The following RFX4 variants were observed in gnomAD, a reference collection of about 807,000 sequenced individuals.
RFX4 encodes regulatory factor X4, also known as transcription factor RFX4.
Under a neutral mutation model 95.0 loss-of-function variants are expected in RFX4, and 10 were observed. The ratio of observed to expected loss-of-function variants is 0.11; its 90% CI spans 0.06 to 0.18. The LOEUF is 0.18. Among genes scored for constraint, RFX4 ranks in the 10% least tolerant of loss-of-function variants. The pLI, the probability that RFX4 is intolerant of heterozygous loss-of-function variation, is 1.00. For missense variants in RFX4, 640 were observed against 922.0 expected (o/e 0.69, Z 3.96); for synonymous variants, 321 against 340.7 (o/e 0.94, Z 0.64).
intron 15 of RFX4, among the ~76,000 whole-genome samples, chr12:106,737,235 T>C (rs1303026478): frequency 7.3e-6 from 1 of 136,218 alleles, no homozygotes; most frequent in Non-Finnish European, 1.5e-5. Context: ...GATTGCTCCA[T>C]TCAGGAGCAT....
chr12:106,744,811 T>G (rs2137599485), intron 15 of RFX4, among the ~76,000 whole-genome samples: 1 of 152,306 alleles, frequency 6.6e-6, no homozygotes, highest in Middle Eastern at 3.4e-3. Flanking sequence ...TATTTAACAT[T>G]CTAAGTTTCC....
chr12:106,650,855 A>G (rs2040843806), intron 3 of RFX4, among the ~76,000 whole-genome samples: 1 of 152,158 alleles, frequency 6.6e-6, no homozygotes, highest in Non-Finnish European at 1.5e-5. Flanking sequence ...CTTTAAATTA[A>G]TGTCAGTTAT....
intron 2 of RFX4, among the ~76,000 whole-genome samples, chr12:106,629,020 A>C (rs1263505903): frequency 6.6e-6 from 1 of 152,068 alleles, no homozygotes; most frequent in Non-Finnish European, 1.5e-5. Context: ...TGGCCTCCCA[A>C]AGTGCTGGAA....
chr12:106,639,357 A>C lies in RFX4; in HGVS notation c.156A>C (p.Ala52=). 6.2e-7 allele frequency: 1 copy of C among 1,613,814 alleles called. No homozygotes were observed. The highest frequency in any genetic ancestry group is 1.7e-4 in the Middle Eastern group (1 of 6,060). Residue 52 remains alanine, a synonymous_variant, in exon 3 of 18, where the codon GCA becomes GCC. Coordinates refer to ENST00000392842, the MANE Select transcript of RFX4 (RefSeq NM_213594.3). ...DENEEKENNR[A]SKPHSTPATL... The stretch of plus-strand genomic sequence containing the variant: ...ATGAGGAAAAAGAAAATAATAGAGC[A>C]TCCAAGCCCCACTCCACTCCTGCTA...
chr12:106,712,914 C>A (rs962991820), intron 10 of RFX4, among the ~76,000 whole-genome samples: 1 of 152,050 alleles, frequency 6.6e-6, no homozygotes, highest in African/African-American at 2.4e-5. Context: ...GGGGATCAGA[C>A]AATTTAGAGA....
intron 15 of RFX4, among the ~76,000 whole-genome samples, chr12:106,745,099 C>T (rs1387245287): frequency 6.6e-6 from 1 of 152,152 alleles, no homozygotes; most frequent in African/African-American, 2.4e-5. Flanking sequence ...ATTTGGGCGG[C>T]ATGTTTCACC....
At chr12:106,654,460 C>A in intron 4 of RFX4, 109 bp downstream of exon 4, 1 of 1,294,914 alleles carries the variant, frequency 7.7e-7, no homozygotes, top group Non-Finnish European at 1.0e-6. Context: ...AAAGTACTTA[C>A]TTACTTTGGT....
intron 1 of RFX4, chr12:106,601,147 C>G: frequency 4.8e-6 from 7 of 1,446,058 alleles, no homozygotes; most frequent in Non-Finnish European, 6.4e-6. Flanking sequence ...GTTGCCATGG[C>G]AACCCACTGA....
chr12:106,700,869 T>C (rs938318460), intron 8 of RFX4, among the ~76,000 whole-genome samples: 2 of 152,210 alleles, frequency 1.3e-5, no homozygotes, highest in Non-Finnish European at 2.9e-5. Context: ...TCCTAAAACA[T>C]TATAACTATT....
chr12:106,598,250 G>A (rs2039648624), intron 1 of RFX4, among the ~76,000 whole-genome samples: 1 of 152,104 alleles, frequency 6.6e-6, no homozygotes, highest in Non-Finnish European at 1.5e-5. Flanking sequence ...AAAATGATAT[G>A]CACCAAGTCG....
intron 1 of RFX4, among the ~76,000 whole-genome samples, chr12:106,607,509 G>A (rs2162280): frequency 0.32 from 46,944 of 144,530 alleles, 7,926 homozygotes; most frequent in African/African-American, 0.45. Context: ...TAGCTGGTAG[G>A]TGTCTGAGGT....
chr12:106,630,935 G>A (rs1293451166), intron 2 of RFX4, among the ~76,000 whole-genome samples: 1 of 152,156 alleles, frequency 6.6e-6, no homozygotes, highest in East Asian at 1.9e-4. Flanking sequence ...TTGGGTCTGG[G>A]GAGGTTTTGA....
intron 7 of RFX4, among the ~76,000 whole-genome samples, chr12:106,695,231 A>C (rs771212843): frequency 2.3e-5 from 3 of 132,984 alleles, no homozygotes; most frequent in Non-Finnish European, 3.3e-5. Context: ...AACCCATTGG[A>C]ATGTATAAAA....
chr12:106,598,082 A>T (rs1012235550), intron 1 of RFX4, among the ~76,000 whole-genome samples: 1 of 152,180 alleles, frequency 6.6e-6, no homozygotes, highest in Non-Finnish European at 1.5e-5. Flanking sequence ...ATGCATAAGG[A>T]GACACTGAGG....
intron 6 of RFX4, among the ~76,000 whole-genome samples, chr12:106,688,358 G>C (rs1351128930): frequency 2.0e-5 from 3 of 151,994 alleles, no homozygotes; most frequent in African/African-American, 7.2e-5. Flanking sequence ...GTGAGCCACC[G>C]GGCCCAGTCG....
intron 8 of RFX4, among the ~76,000 whole-genome samples, chr12:106,703,806 C>A (rs2042033482): frequency 6.6e-6 from 1 of 152,080 alleles, no homozygotes; most frequent in African/African-American, 2.4e-5. Flanking sequence ...TGGCTCATGC[C>A]TGTAATCCCA....
intron 5 of RFX4, chr12:106,683,492 A>AAC (rs2041572828): frequency 6.8e-6 from 1 of 147,502 alleles, no homozygotes; most frequent in East Asian, 2.0e-4. Context: ...AAAAAAAAAA[A>AAC]AAAACAAACC....
intron 1 of RFX4, among the ~76,000 whole-genome samples, chr12:106,598,051 C>A (rs779264117): frequency 6.6e-6 from 1 of 152,106 alleles, no homozygotes; most frequent in Non-Finnish European, 1.5e-5. Flanking sequence ...ATGAGGTAGA[C>A]AGATTATTAT....
chr12:106,698,584 A>G (rs1210849673), intron 8 of RFX4, among the ~76,000 whole-genome samples: 1 of 152,216 alleles, frequency 6.6e-6, no homozygotes, highest in Non-Finnish European at 1.5e-5. Flanking sequence ...AAGTTATTTG[A>G]TCAATAACGA....
Sources: allele counts gnomAD v4.1 joint callset (sites outside exome capture counted in the v4.1 genomes callset), GRCh38; gene constraint gnomAD v4.1.1; transcripts MANE v1.5; gene names NCBI Gene and HGNC (gene_info 2026-07-23, HGNC 2026-07-21).